SNX1: variants seen among roughly 807,000 people sequenced by gnomAD.
SNX1 encodes sorting nexin-1.
In SNX1, 36 loss-of-function variants were observed where a neutral mutation model predicts 71.8. That is an observed-to-expected ratio of 0.50 (90% confidence interval 0.38 to 0.66). The LOEUF (loss-of-function observed/expected upper bound fraction) is 0.66. Among genes scored for constraint, SNX1 ranks in the 30% least tolerant of loss-of-function variants. SNX1 has a pLI of 0.00. For missense variants in SNX1, 612 were observed against 646.7 expected, an observed-to-expected ratio of 0.95 and a Z score of 0.58; for synonymous variants, 254 against 240.7, an observed-to-expected ratio of 1.06 and a Z score of -0.51.
intron 4 of SNX1, among the ~76,000 whole-genome samples, chr15:64,122,525 C>T (rs996379650): frequency 3.9e-5 from 6 of 152,040 alleles, no homozygotes; most frequent in African/African-American, 1.4e-4. Context: ...TTACTGAAAC[C>T]AAGTTGTAAT....
rs1364514885 is a variant in SNX1 at position 64,134,486 on chromosome 15, C to A, written c.1222-178C>A. 5 of 664,316 alleles carry A rather than the reference C, an allele frequency of 7.5e-6. No homozygotes were observed. Among genetic ancestry groups the A allele is most frequent in the Non-Finnish European group, 1.2e-5 (5 of 401,796 alleles). 41.2% of individuals were successfully genotyped at this position (664,316 alleles called of 1,614,324 possible). ...GCCTTCTGGAAGCTTGGAGAGGAGTCTTACCCAAGCTTTGCTCCTAGACAT... is the reference window on the plus strand; with the variant it reads ...GCCTTCTGGAAGCTTGGAGAGGAGTATTACCCAAGCTTTGCTCCTAGACAT... On this transcript the variant is annotated intron_variant, in intron 11 of 14. Transcript: ENST00000559844. This position sits in a 1 kb window ranked among gnomAD's most constrained non-coding sequence, Gnocchi z 4.1.
chr15:64,123,646 T>G (rs1444214644), intron 5 of SNX1, 100 bp downstream of exon 5: 3 of 979,224 alleles, frequency 3.1e-6, no homozygotes, highest in Non-Finnish European at 4.9e-6. Context: ...TTTGTTTCTT[T>G]GCCAACATCT....
intron 11 of SNX1, among the ~76,000 whole-genome samples, chr15:64,133,146 A>G (rs998175708): frequency 3.9e-5 from 6 of 152,194 alleles, no homozygotes; most frequent in Non-Finnish European, 7.3e-5. Context: ...GAGACCCTTC[A>G]TCTGCCTACC....
chr15:64,142,773 TG>T lies in SNX1; in HGVS notation c.*5156del. On this transcript the variant is annotated 3_prime_UTR_variant, in exon 15 of 15. Transcript: ENST00000559844. ...GAGCTGGTGTGATCCCAGTATTCAG[TG>T]TCAGTACTCAGTGACAAAATAAATG... The T allele has an allele frequency of 2.3e-6, 1 of 432,600 alleles. No individual in the cohort carries two copies. The highest frequency in any genetic ancestry group is 4.7e-6 in the Non-Finnish European group (1 of 214,542). 26.8% of individuals were successfully genotyped at this position (432,600 alleles called of 1,614,324 possible).
chr15:64,126,817 G>A (rs1048890097), intron 6 of SNX1, among the ~76,000 whole-genome samples: 3 of 152,050 alleles, frequency 2.0e-5, no homozygotes, highest in Non-Finnish European at 2.9e-5. Context: ...TGACCTCGTG[G>A]TCCGCCCGCC....
At chr15:64,119,328 C>G (rs1470718813) in intron 4 of SNX1, among the ~76,000 whole-genome samples, 3 of 152,016 alleles carry the variant, frequency 2.0e-5, no homozygotes, top group African/African-American at 7.3e-5. Flanking sequence ...TGCTATGTTG[C>G]CCAGGCTGGT....
At chr15:64,114,015 G>A (rs1312080851) in intron 2 of SNX1, among the ~76,000 whole-genome samples, 1 of 152,124 alleles carries the variant, frequency 6.6e-6, no homozygotes, top group South Asian at 2.1e-4. Flanking sequence ...AGATAAGGCT[G>A]GAAATGTAAT....
At chr15:64,124,593 T>C (rs757531381) in intron 5 of SNX1, among the ~76,000 whole-genome samples, 1 of 152,122 alleles carries the variant, frequency 6.6e-6, no homozygotes, top group Non-Finnish European at 1.5e-5. Flanking sequence ...TTGATGGTCA[T>C]GGCTGTAGTT....
chr15:64,125,484 A>AAG (rs2081241279), intron 5 of SNX1, among the ~76,000 whole-genome samples: 1 of 150,434 alleles, frequency 6.6e-6, no homozygotes, highest in African/African-American at 2.4e-5. Flanking sequence ...AAAAAAAAAA[A>AAG]GCAGTGAAGA....
intron 10 of SNX1, among the ~76,000 whole-genome samples, chr15:64,131,076 A>G (rs1185684994): frequency 6.6e-6 from 1 of 152,212 alleles, no homozygotes; most frequent in Non-Finnish European, 1.5e-5. Context: ...CGAGGTCAGG[A>G]GTTCAAGGCC....
intron 1 of SNX1, among the ~76,000 whole-genome samples, chr15:64,105,271 A>C (rs1285919962): frequency 6.6e-6 from 1 of 151,944 alleles, no homozygotes; most frequent in Non-Finnish European, 1.5e-5. Context: ...GGTTGCCGTC[A>C]GACTTCTGGT....
intron 1 of SNX1, among the ~76,000 whole-genome samples, chr15:64,104,842 G>A (rs565752866): frequency 2.8e-4 from 41 of 148,768 alleles, no homozygotes; most frequent in African/African-American, 8.4e-4. Flanking sequence ...CTGAGATTGC[G>A]CCACTGCACT....
At chr15:64,127,892 C>T (rs779641366) in intron 8 of SNX1, 86 bp downstream of exon 8, 10 of 902,184 alleles carry the variant, frequency 1.1e-5, no homozygotes, top group Non-Finnish European at 1.5e-5. Context: ...TATGTGAGCA[C>T]TTAACATGCC....
At chr15:64,114,736 G>A (rs2081111756) in intron 2 of SNX1, among the ~76,000 whole-genome samples, 1 of 152,132 alleles carries the variant, frequency 6.6e-6, no homozygotes, top group Non-Finnish European at 1.5e-5. Context: ...AGACATACAA[G>A]GAAAGAAGAG....
chr15:64,131,846 T>C lies in SNX1; in HGVS notation c.1175T>C (p.Leu392Pro), dbSNP rs775479947. The C allele has an allele frequency of 8.7e-6, 14 of 1,614,232 alleles. No homozygotes were observed. Among genetic ancestry groups the C allele is most frequent in the Non-Finnish European group, 1.2e-5 (14 of 1,180,046 alleles). ...QEQANNDFFL[L>P]AELLSDYIRL... ...CAGGCCAACAATGACTTCTTCCTCC[T>C]TGCTGAGCTCCTGAGTGACTACATT... The change falls in exon 11 of 15, where the codon CTT (leucine) becomes CCT (proline). Residue 392 changes from leucine (L) to proline (P), a missense_variant. Leu to Pro is a moderately conservative substitution (Grantham distance 98). Around this residue, in one of 2 missense-constraint regions of SNX1, gnomAD observed 296 missense variants for 361.9 expected, o/e 0.82. Transcript: ENST00000559844.
At chr15:64,115,668 A>G (rs748526624) in intron 2 of SNX1, 4 of 265,070 alleles carry the variant, frequency 1.5e-5, no homozygotes, top group African/African-American at 2.4e-5. Flanking sequence ...GGCTCAAGTG[A>G]TCTTCCCACC....
Position 64,130,254 on chromosome 15 carries a change from A to G in SNX1, c.948A>G (p.Val316=). Residue 316 remains valine, a synonymous_variant, in exon 10 of 15, where the codon GTA becomes GTG. Transcript: ENST00000559844. ...DIWFEEKLQE[V]ECEEQRLRKL... ...GGTTTGAGGAGAAGCTCCAGGAGGTAGAGTGTGAGGAGCAGCGCTTACGGA... is the reference window on the plus strand; with the variant it reads ...GGTTTGAGGAGAAGCTCCAGGAGGTGGAGTGTGAGGAGCAGCGCTTACGGA... 6.2e-7 allele frequency: 1 copy of G among 1,614,142 alleles called. No individual in the cohort carries two copies. Among genetic ancestry groups the G allele is most frequent in the Non-Finnish European group, 8.5e-7 (1 of 1,179,994 alleles).
intron 1 of SNX1, among the ~76,000 whole-genome samples, chr15:64,106,386 G>A (rs2081022208): frequency 6.6e-6 from 1 of 152,174 alleles, no homozygotes; most frequent in African/African-American, 2.4e-5. Flanking sequence ...GAAATCCAGT[G>A]GACATTGAAT....
chr15:64,110,060 G>A (rs908537947), intron 1 of SNX1, among the ~76,000 whole-genome samples: 3 of 152,178 alleles, frequency 2.0e-5, no homozygotes, highest in Non-Finnish European at 4.4e-5. Flanking sequence ...TCCAGCATTA[G>A]GGGAATGATT....
Sources: gnomAD v4.1 joint callset for allele counts (sites outside exome capture counted in the v4.1 genomes callset) on GRCh38, gnomAD v4.1.1 for gene constraint, gnomAD v4.1.1 regional missense constraint, Gnocchi (gnomAD v3.1) non-coding constraint, MANE v1.5 for transcripts, NCBI Gene and HGNC (gene_info 2026-07-23, HGNC 2026-07-21) for gene names.